Variants in PTPRN2 observed in about 807,000 individuals in gnomAD.
PTPRN2 encodes the protein protein tyrosine phosphatase receptor type N2.
A neutral mutation model predicts 118.8 loss-of-function variants in PTPRN2; 74 were observed. That is an observed-to-expected ratio of 0.62 (90% CI 0.52 to 0.76). The LOEUF is 0.76. Among genes scored for constraint, PTPRN2 ranks in the 30% least tolerant of loss-of-function variants. The pLI, the probability that PTPRN2 is intolerant of heterozygous loss-of-function variation, is 0.00. For missense variants in PTPRN2, 1,481 were observed against 1,394.4 expected, an observed-to-expected ratio of 1.06 and a Z score of -0.99; for synonymous variants, 641 against 608.0, an observed-to-expected ratio of 1.05 and a Z score of -0.80.
intron 12 of PTPRN2, among the ~76,000 whole-genome samples, chr7:157,710,165 C>T (rs960230613): frequency 4.6e-5 from 7 of 152,198 alleles, no homozygotes; most frequent in Admixed American, 2.0e-4. Context: ...TTATACGAAC[C>T]TAACAAAGAG....
At chr7:158,070,289 C>T (rs543999026) in intron 11 of PTPRN2, among the ~76,000 whole-genome samples, 19 of 142,466 alleles carry the variant, frequency 1.3e-4, no homozygotes, top group African/African-American at 2.4e-4. Flanking sequence ...TGGAGGTGCT[C>T]GTGGTGGTGG....
At chr7:157,654,461 C>A (rs1805933637) in intron 14 of PTPRN2, among the ~76,000 whole-genome samples, 1 of 152,218 alleles carries the variant, frequency 6.6e-6, no homozygotes, top group Non-Finnish European at 1.5e-5. Flanking sequence ...AGTTTACAAT[C>A]TGTACGCACA....
intron 12 of PTPRN2, among the ~76,000 whole-genome samples, chr7:157,789,636 T>C (rs1804303623): frequency 6.6e-6 from 1 of 151,504 alleles, no homozygotes; most frequent in Non-Finnish European, 1.5e-5. Flanking sequence ...TGGTGTGTGG[T>C]GTGAAATGTG....
intron 3 of PTPRN2, among the ~76,000 whole-genome samples, chr7:158,265,711 G>A (rs1039860799): frequency 1.3e-5 from 2 of 152,194 alleles, no homozygotes; most frequent in African/African-American, 2.4e-5. Context: ...GGTACACAGC[G>A]TGGCATTTGA....
intron 6 of PTPRN2, among the ~76,000 whole-genome samples, chr7:158,152,315 G>T (rs1821276202): frequency 6.6e-6 from 1 of 152,200 alleles, no homozygotes; most frequent in Non-Finnish European, 1.5e-5. Context: ...TCATTGAGAA[G>T]GTGAAGTTTC....
chr7:158,467,847 C>T (rs2129443881), intron 2 of PTPRN2, among the ~76,000 whole-genome samples: 1 of 152,254 alleles, frequency 6.6e-6, no homozygotes, highest in South Asian at 2.1e-4. Context: ...TGCCAAAGAC[C>T]TGGGAGCCCC....
At chr7:158,162,668 G>A (rs530690735) in intron 6 of PTPRN2, among the ~76,000 whole-genome samples, 9 of 152,288 alleles carry the variant, frequency 5.9e-5, no homozygotes, top group East Asian at 1.9e-4. Context: ...TGTCCTCCCC[G>A]TCACCCCACC....
intron 11 of PTPRN2, among the ~76,000 whole-genome samples, chr7:157,984,678 G>A (rs1156415555): frequency 6.6e-6 from 1 of 152,216 alleles, no homozygotes; most frequent in East Asian, 1.9e-4. Context: ...CAGCAGCCAC[G>A]AGCTGACCAC....
In PTPRN2 at chr7:158,167,110, G is replaced by T. The variant is rs139278439; in HGVS notation, c.731C>A (p.Ala244Glu). 1.9e-6 allele frequency: 3 copies of T among 1,613,078 alleles called. No individual in the cohort carries two copies. The highest frequency in any genetic ancestry group is 4.5e-5 in the East Asian group (2 of 44,844). The change falls in exon 6 of 23, where the codon GCG (alanine) becomes GAG (glutamate). Residue 244 changes from alanine to glutamate, a missense_variant. By Grantham distance (107) the Ala-to-Glu change is moderately radical. Around this residue, in one of 3 missense-constraint regions of PTPRN2, gnomAD observed 1,115 missense variants for 994.2 expected, o/e 1.12. Transcript: ENST00000389418. ...CTGGGCAGCATAGGCACTGAGGGCC[G>T]CCATCAGATGGTGTCTGTCCACACC... ...DSGVDRHHLM[A>E]ALSAYAAQRP...
chr7:158,350,302 C>A (rs774680131), intron 2 of PTPRN2, among the ~76,000 whole-genome samples: 1 of 152,134 alleles, frequency 6.6e-6, no homozygotes, highest in Non-Finnish European at 1.5e-5. Flanking sequence ...CTGAAACAGG[C>A]GGCTCTTTCC....
At chr7:157,716,582 ACT>A (rs1377882953) in intron 12 of PTPRN2, among the ~76,000 whole-genome samples, 1 of 65,824 alleles carries the variant, frequency 1.5e-5, no homozygotes, top group Non-Finnish European at 2.8e-5. Flanking sequence ...GGCCACGTAG[ACT>A]CTGCGGGAAC....
intron 11 of PTPRN2, among the ~76,000 whole-genome samples, chr7:158,053,736 CCTAGAGATGCAGAGACT>C (rs1241847671): frequency 4.2e-4 from 62 of 148,088 alleles, no homozygotes; most frequent in African/African-American, 1.4e-3. Context: ...ATGCAGAGAC[CCTAGAGATGCAGAGACT>C]CCAGAGACGC....
chr7:158,432,551 T>C (rs909874888), intron 2 of PTPRN2, among the ~76,000 whole-genome samples: 6 of 152,230 alleles, frequency 3.9e-5, no homozygotes, highest in Non-Finnish European at 8.8e-5. Flanking sequence ...TTTCTGAGAC[T>C]ATCAGTAAAG....
rs1806086302 is a variant in PTPRN2, at chr7:157,656,349, G to A, written c.2196+8C>T. On this transcript the variant is annotated splice_region_variant and intron_variant, in intron 14 of 22. Transcript: ENST00000389418. ...TTGTGTGGCAGGGAGTGCAAAGACT[G>A]GGCTTACCAGGATCATGTGGCCGGT... 6.5e-7 allele frequency: 1 copy of A among 1,545,950 alleles called. No homozygotes were observed. Among genetic ancestry groups the A allele is most frequent in the Non-Finnish European group, 8.8e-7 (1 of 1,142,810 alleles).
chr7:158,216,886 T>C (rs879474082), intron 3 of PTPRN2, among the ~76,000 whole-genome samples: 53 of 152,160 alleles, frequency 3.5e-4, no homozygotes, highest in Non-Finnish European at 6.6e-4. Flanking sequence ...TTATAATCAT[T>C]CAGAGTGTGT....
chr7:157,662,628 GAGGTGTGAGC>G (rs1417968579), intron 13 of PTPRN2, among the ~76,000 whole-genome samples: 1 of 152,216 alleles, frequency 6.6e-6, no homozygotes, highest in Non-Finnish European at 1.5e-5. Flanking sequence ...CAGAGATGGG[GAGGTGTGAGC>G]AGGCATGGGG....
chr7:158,371,478 A>C (rs1381367249), intron 2 of PTPRN2, among the ~76,000 whole-genome samples: 1 of 152,252 alleles, frequency 6.6e-6, no homozygotes, highest in Non-Finnish European at 1.5e-5. Context: ...GAAAACATAA[A>C]CTTAGCATAA....
chr7:158,242,405 A>T (rs990428810), intron 3 of PTPRN2, among the ~76,000 whole-genome samples: 4 of 152,242 alleles, frequency 2.6e-5, no homozygotes, highest in Non-Finnish European at 5.9e-5. Flanking sequence ...AAAGATTGCA[A>T]TCAGTGGCCA....
intron 10 of PTPRN2, among the ~76,000 whole-genome samples, chr7:158,109,215 G>C (rs1403274606): frequency 6.6e-6 from 1 of 151,304 alleles, no homozygotes; most frequent in Non-Finnish European, 1.5e-5. Context: ...AAGACTCAGT[G>C]AGTGAATGAT....
Sources: gnomAD v4.1 joint callset for allele counts (sites outside exome capture counted in the v4.1 genomes callset) on GRCh38, gnomAD v4.1.1 for gene constraint, gnomAD v4.1.1 regional missense constraint, MANE v1.5 for transcripts, NCBI Gene and HGNC (gene_info 2026-07-23, HGNC 2026-07-21) for gene names.